EYS: variants seen among roughly 807,000 people sequenced by gnomAD.
EYS encodes EGF-like photoreceptor maintenance factor, also known as protein eyes shut homolog.
EYS carries 250 observed loss-of-function variants against 282.1 expected under a neutral mutation model. That is an observed-to-expected ratio of 0.89 (90% CI 0.80 to 0.98). The LOEUF is 0.98. EYS is among the 50% of genes least tolerant of loss of function. The pLI is 0.00. For missense variants in EYS, 4,016 were observed against 3,709.0 expected (o/e 1.08, Z -2.15); for synonymous variants, 1,355 against 1,282.9 (o/e 1.06, Z -1.20).
chr6:64,485,283 C>A (rs999899627), intron 26 of EYS, among the ~76,000 whole-genome samples: 2 of 151,544 alleles, frequency 1.3e-5, no homozygotes, highest in Non-Finnish European at 3.0e-5. Context: ...TATTTAGTAG[C>A]CCATGACAGA....
intron 16 of EYS, among the ~76,000 whole-genome samples, chr6:64,908,816 G>A (rs929525798): frequency 6.6e-6 from 1 of 152,078 alleles, no homozygotes; most frequent in African/African-American, 2.4e-5. Context: ...AGACTCAAAG[G>A]TGGGTACAAC....
chr6:64,668,722 G>A (rs902790024), intron 22 of EYS, among the ~76,000 whole-genome samples: 2 of 151,212 alleles, frequency 1.3e-5, no homozygotes, highest in Non-Finnish European at 2.9e-5. Context: ...CCGCCACCAC[G>A]CCCAGCTAAT....
intron 22 of EYS, among the ~76,000 whole-genome samples, chr6:64,808,216 A>G (rs1288174211): frequency 6.6e-6 from 1 of 151,938 alleles, no homozygotes; most frequent in Non-Finnish European, 1.5e-5. Flanking sequence ...GAAGAATTAT[A>G]TTTTCAACTG....
intron 30 of EYS, among the ~76,000 whole-genome samples, chr6:64,251,227 A>C (rs1767204382): frequency 6.6e-6 from 1 of 152,208 alleles, no homozygotes; most frequent in Admixed American, 6.5e-5. Context: ...TAGTCTTTAC[A>C]GTCCTTCAGC....
At chr6:65,300,222 G>T (rs568829648) in intron 11 of EYS, among the ~76,000 whole-genome samples, 1 of 152,070 alleles carries the variant, frequency 6.6e-6, no homozygotes, top group East Asian at 1.9e-4. Flanking sequence ...AGATCCACAG[G>T]CTCACTTCAT....
intron 22 of EYS, among the ~76,000 whole-genome samples, chr6:64,786,188 ATTT>A (rs60974312): frequency 7.8e-5 from 11 of 141,564 alleles, no homozygotes; most frequent in African/African-American, 8.0e-5. Flanking sequence ...CTGGTTCTAC[ATTT>A]TTTTTTTTTT....
intron 12 of EYS, among the ~76,000 whole-genome samples, chr6:65,069,217 GATCGGCATTT>G (rs1450917619): frequency 1.3e-5 from 2 of 151,884 alleles, no homozygotes; most frequent in Admixed American, 1.3e-4. Context: ...TGTCTTCTTT[GATCGGCATTT>G]AAAACTATTC....
intron 39 of EYS, among the ~76,000 whole-genome samples, chr6:63,786,671 G>A (rs867992193): frequency 1.9e-4 from 28 of 151,114 alleles, no homozygotes; most frequent in African/African-American, 6.6e-4. Flanking sequence ...TGCACATTCT[G>A]CACTTGTATC....
intron 40 of EYS, among the ~76,000 whole-genome samples, chr6:63,771,428 C>G (rs1004669012): frequency 6.6e-6 from 1 of 152,142 alleles, no homozygotes; most frequent in South Asian, 2.1e-4. Context: ...ATTGTCACCT[C>G]TCCCCACCCC....
intron 2 of EYS, among the ~76,000 whole-genome samples, chr6:65,588,476 T>C (rs939517358): frequency 5.9e-5 from 9 of 152,012 alleles, no homozygotes; most frequent in African/African-American, 1.9e-4. Context: ...TCTCAGCAAA[T>C]TGGCATCAGT....
chr6:65,443,612 T>TAC (rs1768522080), intron 5 of EYS, among the ~76,000 whole-genome samples: 1 of 150,940 alleles, frequency 6.6e-6, no homozygotes, highest in African/African-American at 2.4e-5. Flanking sequence ...TATACACATA[T>TAC]ACACACATAT....
In EYS at chr6:64,813,471, C is replaced by T. The variant is rs1001606082; in HGVS notation, c.3350G>A (p.Ser1117Asn). ...TTCAGGCTCAGCACAATTATCAATG[C>T]TTTTTTCACAGTATGCACCAGTGTA... is the stretch of plus-strand genomic sequence containing the variant. ...RGYTGAYCEK[S>N]IDNCAEPELN... is the part of the protein sequence containing the mutation. The change falls in exon 22 of 43, where the codon AGC becomes AAC. Residue 1117 changes from serine to asparagine, a missense_variant. Physicochemically the swap from Ser to Asn is conservative, Grantham distance 46 (BLOSUM62 1). Coordinates refer to ENST00000503581, the MANE Select transcript of EYS (RefSeq NM_001142800.2). The T allele has an allele frequency of 1.3e-6, 2 of 1,550,256 alleles. No individual in the cohort carries two copies. Among genetic ancestry groups the T allele is most frequent in the African/African-American group, 2.7e-5 (2 of 73,004 alleles).
intron 24 of EYS, among the ~76,000 whole-genome samples, chr6:64,613,451 C>T (rs1009653115): frequency 2.0e-5 from 3 of 151,450 alleles, no homozygotes; most frequent in Non-Finnish European, 4.4e-5. Context: ...TCATCATTCC[C>T]ATCTACACAA....
intron 8 of EYS, among the ~76,000 whole-genome samples, chr6:65,369,586 C>CT (rs1400627021): frequency 6.6e-6 from 1 of 150,936 alleles, no homozygotes; most frequent in Non-Finnish European, 1.5e-5. Context: ...TTGATCTTTC[C>CT]TTTTTTCTTA....
intron 12 of EYS, among the ~76,000 whole-genome samples, chr6:65,094,500 A>G (rs1774680871): frequency 6.6e-6 from 1 of 151,308 alleles, no homozygotes; most frequent in Non-Finnish European, 1.5e-5. Context: ...TAGTAAATTT[A>G]AGAAGATTGA....
chr6:64,127,295 T>G (rs1443667806), intron 31 of EYS, among the ~76,000 whole-genome samples: 1 of 152,184 alleles, frequency 6.6e-6, no homozygotes, highest in Admixed American at 6.5e-5. Context: ...GTATAATTCC[T>G]AGACTAAGTG....
chr6:65,357,231 G>T (rs1288643383), intron 8 of EYS, among the ~76,000 whole-genome samples: 1 of 151,912 alleles, frequency 6.6e-6, no homozygotes, highest in Non-Finnish European at 1.5e-5. Flanking sequence ...TATTCAGTTT[G>T]TTAACTTCTT....
At chr6:65,442,917 CAT>C (rs1562185241) in intron 5 of EYS, among the ~76,000 whole-genome samples, 1 of 103,396 alleles carries the variant, frequency 9.7e-6, no homozygotes, top group African/African-American at 2.7e-5. Context: ...CATGCACATA[CAT>C]ATGTACATAT....
intron 26 of EYS, among the ~76,000 whole-genome samples, chr6:64,489,994 G>T (rs13193668): frequency 0.3 from 45,103 of 150,414 alleles, 6,804 homozygotes; most frequent in East Asian, 0.47. Context: ...CAGTCACCCA[G>T]CAAAGCAATT....
Sources: allele counts gnomAD v4.1 joint callset (sites outside exome capture counted in the v4.1 genomes callset), GRCh38; gene constraint gnomAD v4.1.1; transcripts MANE v1.5; gene names NCBI Gene and HGNC (gene_info 2026-07-23, HGNC 2026-07-21).